The following SCLT1 variants were observed in gnomAD, a reference collection of about 807,000 sequenced individuals.
SCLT1 encodes sodium channel and clathrin linker 1, also known as sodium channel-associated protein 1.
Under a neutral mutation model 112.8 loss-of-function variants are expected in SCLT1, and 78 were observed. That is an observed-to-expected ratio of 0.69 (90% confidence interval 0.58 to 0.83). The LOEUF (loss-of-function observed/expected upper bound fraction) is 0.83. Ranked by LOEUF, SCLT1 falls within the 40% of genes least tolerant of loss-of-function variation. The pLI is 0.00. For missense variants in SCLT1, 747 were observed against 770.4 expected, an observed-to-expected ratio of 0.97 and a Z score of 0.36; for synonymous variants, 257 against 254.7, an observed-to-expected ratio of 1.01 and a Z score of -0.09.
At chr4:129,047,235 C>A (rs1264139492) in intron 2 of SCLT1, among the ~76,000 whole-genome samples, 1 of 152,078 alleles carries the variant, frequency 6.6e-6, no homozygotes, top group African/African-American at 2.4e-5. Flanking sequence ...GTTCTAAAAG[C>A]TTTACCTTAA....
chr4:129,022,020 T>C (rs1745528457), intron 5 of SCLT1, among the ~76,000 whole-genome samples: 1 of 152,122 alleles, frequency 6.6e-6, no homozygotes, highest in South Asian at 2.1e-4. Context: ...AGGTCTGGAG[T>C]GGACCTCCAG....
At position 128,903,865 on chromosome 4, in the gene SCLT1, A is replaced by T. The variant is rs184020100; in HGVS notation, c.1830-12728T>A. Among the ~76,000 whole-genome samples the T allele has an allele frequency of 2.6e-5, 4 of 152,302 alleles. No individual in the cohort carries two copies. The East Asian group carries it at 7.7e-4, about 29-fold the overall frequency. ...GTTATCTACAAGACATTTTCCCTTC[A>T]TTAGAGAAAATAATTGAGAGTTCCC... On this transcript the variant is annotated intron_variant, in intron 18 of 20. Coordinates refer to ENST00000281142, the MANE Select transcript of SCLT1 (RefSeq NM_144643.4).
intron 5 of SCLT1, among the ~76,000 whole-genome samples, chr4:129,012,160 T>C (rs1370361464): frequency 6.6e-6 from 1 of 152,196 alleles, no homozygotes; most frequent in Non-Finnish European, 1.5e-5. Context: ...CTTTTTGATG[T>C]GAGCACTTAG....
intron 17 of SCLT1, among the ~76,000 whole-genome samples, chr4:128,942,510 G>GAAATA (rs1737784892): frequency 1.3e-5 from 2 of 152,052 alleles, no homozygotes; most frequent in Non-Finnish European, 2.9e-5. Context: ...GGAAATAAGA[G>GAAATA]AGAAAAGAAA....
chr4:129,008,055 T>G (rs1744185758), intron 5 of SCLT1, among the ~76,000 whole-genome samples: 1 of 152,186 alleles, frequency 6.6e-6, no homozygotes, highest in Non-Finnish European at 1.5e-5. Flanking sequence ...ATGTACGGTA[T>G]TGCTGGCTCA....
intron 2 of SCLT1, among the ~76,000 whole-genome samples, chr4:129,053,583 T>TTTTTTG (rs1749054462): frequency 8.7e-6 from 1 of 115,308 alleles, no homozygotes; most frequent in Non-Finnish European, 1.9e-5. Flanking sequence ...TTTTTTTTTT[T>TTTTTTG]TTTTTTTGCT....
chr4:129,087,748 C>T (rs543846058), intron 1 of SCLT1, among the ~76,000 whole-genome samples: 9 of 110,578 alleles, frequency 8.1e-5, no homozygotes, highest in East Asian at 2.5e-4. Flanking sequence ...GAGACCCTTG[C>T]GCAAGTTAAA....
At chr4:128,900,162 T>C (rs1241152395) in intron 18 of SCLT1, among the ~76,000 whole-genome samples, 11 of 152,202 alleles carry the variant, frequency 7.2e-5, no homozygotes, top group Admixed American at 2.0e-4. Flanking sequence ...CTTCACAGAA[T>C]TGGAAAAAAC....
intron 16 of SCLT1, 71 bp downstream of exon 16, chr4:128,945,936 G>T: frequency 2.0e-6 from 2 of 1,010,910 alleles, no homozygotes; most frequent in East Asian, 2.5e-5. Context: ...AAAAAGAAAA[G>T]GTAGCGAATC....
intron 6 of SCLT1, among the ~76,000 whole-genome samples, chr4:129,001,339 G>C (rs1448664374): frequency 8.6e-5 from 13 of 151,836 alleles, no homozygotes; most frequent in Non-Finnish European, 1.9e-4. Flanking sequence ...GGGGTGGTGG[G>C]GGGGTGGGGA....
intron 1 of SCLT1, 90 bp downstream of exon 1, chr4:129,092,980 G>A: frequency 4.2e-6 from 4 of 954,096 alleles, no homozygotes; most frequent in Non-Finnish European, 6.8e-6. Context: ...CAATTTAAAT[G>A]TACCCAACCA....
intron 18 of SCLT1, among the ~76,000 whole-genome samples, chr4:128,926,928 G>T (rs1347517951): frequency 6.6e-6 from 1 of 151,720 alleles, no homozygotes; most frequent in Non-Finnish European, 1.5e-5. Context: ...AACATGTAGG[G>T]TAGTTACCAA....
At chr4:129,034,920 G>C (rs1454744992) in intron 5 of SCLT1, among the ~76,000 whole-genome samples, 3 of 152,074 alleles carry the variant, frequency 2.0e-5, no homozygotes, top group Non-Finnish European at 4.4e-5. Flanking sequence ...GTGAACCCCT[G>C]ACAGATGTAA....
intron 2 of SCLT1, among the ~76,000 whole-genome samples, chr4:129,049,194 G>A (rs1444266177): frequency 4.6e-5 from 7 of 151,386 alleles, no homozygotes; most frequent in South Asian, 2.1e-4. Flanking sequence ...TGTTTACTGC[G>A]GCATTATTCA....
intron 18 of SCLT1, among the ~76,000 whole-genome samples, chr4:128,917,041 G>A (rs530505199): frequency 2.6e-5 from 4 of 152,116 alleles, no homozygotes; most frequent in Non-Finnish European, 5.9e-5. Flanking sequence ...CAGCCACTAC[G>A]CCGTGGAGCC....
At chr4:129,042,607 A>G (rs1217302656) in intron 4 of SCLT1, among the ~76,000 whole-genome samples, 1 of 152,224 alleles carries the variant, frequency 6.6e-6, no homozygotes, top group African/African-American at 2.4e-5. Flanking sequence ...GCAAGATAGC[A>G]AGAGCAAGGA....
intron 2 of SCLT1, among the ~76,000 whole-genome samples, chr4:129,079,764 A>ATT (rs2125770198): frequency 6.6e-6 from 1 of 152,340 alleles, no homozygotes; most frequent in South Asian, 2.1e-4. Flanking sequence ...CCAACCCTAC[A>ATT]TTTCCTCTTT....
At chr4:128,934,013 T>G in intron 18 of SCLT1, among the ~76,000 whole-genome samples, 1 of 152,046 alleles carries the variant, frequency 6.6e-6, no homozygotes, top group Admixed American at 6.5e-5. Context: ...ATCAACTTCC[T>G]ATATAATTAA....
At chr4:129,086,163 A>G (rs1752378713) in intron 1 of SCLT1, among the ~76,000 whole-genome samples, 1 of 152,110 alleles carries the variant, frequency 6.6e-6, no homozygotes, top group Admixed American at 6.5e-5. Context: ...ATTAATAATG[A>G]GGGAAACACT....
Sources: allele counts gnomAD v4.1 joint callset (sites outside exome capture counted in the v4.1 genomes callset), GRCh38; gene constraint gnomAD v4.1.1; transcripts MANE v1.5; gene names NCBI Gene and HGNC (gene_info 2026-07-23, HGNC 2026-07-21).